The following RIMS2 variants were observed in gnomAD, a reference collection of about 807,000 sequenced individuals.
RIMS2 encodes regulating synaptic membrane exocytosis 2.
RIMS2 carries 59 observed loss-of-function variants against 174.4 expected under a neutral mutation model. The observed-to-expected ratio is 0.34, with a 90% confidence interval of 0.27 to 0.42. The LOEUF is 0.42. RIMS2 is among the 10% of genes least tolerant of loss of function. The pLI, the probability that RIMS2 is intolerant of heterozygous loss-of-function variation, is 1.00. For synonymous variants in RIMS2, 606 were observed against 572.5 expected (o/e 1.06, Z -0.84); for missense variants, 1,620 against 1,666.3 (o/e 0.97, Z 0.48).
At chr8:103,699,007 A>T (rs1002472961) in intron 2 of RIMS2, among the ~76,000 whole-genome samples, 1 of 152,156 alleles carries the variant, frequency 6.6e-6, no homozygotes, top group Non-Finnish European at 1.5e-5. Context: ...AAGGTTTTTA[A>T]GTAAGGTTTG....
At chr8:104,142,231 G>C (rs1029583079) in intron 19 of RIMS2, among the ~76,000 whole-genome samples, 1 of 150,730 alleles carries the variant, frequency 6.6e-6, no homozygotes, top group South Asian at 2.1e-4. Flanking sequence ...GGGTTCAAGC[G>C]ATTCTCCTGC....
At chr8:104,111,512 A>T (rs567451165) in intron 19 of RIMS2, among the ~76,000 whole-genome samples, 2 of 152,184 alleles carry the variant, frequency 1.3e-5, no homozygotes, top group African/African-American at 4.8e-5. Context: ...GGTTCAAGTG[A>T]TTCTCCTGCC....
intron 19 of RIMS2, among the ~76,000 whole-genome samples, chr8:104,236,473 T>A (rs1339610613): frequency 6.6e-6 from 1 of 152,124 alleles, no homozygotes; most frequent in Non-Finnish European, 1.5e-5. Flanking sequence ...AAAAATAGAC[T>A]TAAAATGTGT....
intron 1 of RIMS2, among the ~76,000 whole-genome samples, chr8:103,593,827 AAAAT>A (rs1445444078): frequency 2.6e-5 from 4 of 151,346 alleles, no homozygotes; most frequent in Admixed American, 6.6e-5. Flanking sequence ...AATCAATTTA[AAAAT>A]AAATAGAAAA....
rs555123900 is a variant in RIMS2 at position 103,749,145 on chromosome 8, T to G, written c.388-17082T>G. ...TTTCTTTTTTGAGACGGGGTCTCCC[T>G]CTGTTGTCCAGGCTGTAGTGCAGTG... On this transcript the variant is annotated intron_variant, in intron 2 of 23. Coordinates refer to ENST00000504942, the Ensembl canonical transcript of RIMS2. Among the ~76,000 whole-genome samples, 404 of 144,542 alleles carry G rather than the reference T, an allele frequency of 2.8e-3. 5 individuals are homozygous for G. Among genetic ancestry groups the G allele is most frequent in the African/African-American group, 0.01 (394 of 38,846 alleles). The allele number at this position is 144,542 out of a possible 152,430, so 94.8% of individuals were successfully genotyped here.
intron 3 of RIMS2, chr8:103,768,260 GAGGC>G: frequency 1.8e-6 from 1 of 544,750 alleles, no homozygotes; most frequent in East Asian, 3.5e-5. Context: ...TGGTGCCTTG[GAGGC>G]ATTCACCTGC....
intron 19 of RIMS2, among the ~76,000 whole-genome samples, chr8:104,209,962 A>G (rs1326709609): frequency 6.6e-6 from 1 of 152,208 alleles, no homozygotes; most frequent in African/African-American, 2.4e-5. Context: ...CTGAGCAGGG[A>G]GCTTGCAATC....
chr8:103,631,390 C>T (rs1241618088), intron 1 of RIMS2, among the ~76,000 whole-genome samples: 4 of 152,188 alleles, frequency 2.6e-5, no homozygotes, highest in Non-Finnish European at 5.9e-5. Context: ...CGTAGAGATT[C>T]TTTTCCACAT....
intron 19 of RIMS2, among the ~76,000 whole-genome samples, chr8:104,066,639 A>G (rs960798425): frequency 6.6e-6 from 1 of 152,164 alleles, no homozygotes; most frequent in African/African-American, 2.4e-5. Flanking sequence ...TTTGTACTTG[A>G]CTATATTTCA....
chr8:103,662,243 G>A (rs115732891), intron 1 of RIMS2, among the ~76,000 whole-genome samples: 420 of 152,330 alleles, frequency 2.8e-3, no homozygotes, highest in African/African-American at 9.3e-3. Flanking sequence ...TTTTGTGTAA[G>A]CTATGTGCCT....
At chr8:103,602,453 CT>C (rs1251399310) in intron 1 of RIMS2, among the ~76,000 whole-genome samples, 1 of 151,652 alleles carries the variant, frequency 6.6e-6, no homozygotes, top group African/African-American at 2.4e-5. Context: ...CCCATCCCTC[CT>C]CCCACTCTTC....
chr8:103,754,949 G>A (rs1293797363), intron 2 of RIMS2, among the ~76,000 whole-genome samples: 1 of 152,160 alleles, frequency 6.6e-6, no homozygotes, highest in East Asian at 1.9e-4. Flanking sequence ...ATATTGTTAT[G>A]TGTGAATTTG....
chr8:104,048,999 C>A (rs1255927930), intron 19 of RIMS2, among the ~76,000 whole-genome samples: 1 of 151,866 alleles, frequency 6.6e-6, no homozygotes, highest in East Asian at 1.9e-4. Context: ...ATACCCACTT[C>A]TAGGATTATT....
intron 19 of RIMS2, among the ~76,000 whole-genome samples, chr8:104,230,454 TG>T (rs979885356): frequency 6.6e-6 from 1 of 151,932 alleles, no homozygotes; most frequent in African/African-American, 2.4e-5. Context: ...ACAACCAGCA[TG>T]GGCAACATGG....
downstream of RIMS2, chr8:104,252,364 CTT>C (rs1457978011): frequency 6.4e-6 from 1 of 157,450 alleles, no homozygotes; most frequent in Non-Finnish European, 1.4e-5. Flanking sequence ...GAGTGGCAGA[CTT>C]TGTAGCTCCA....
intron 19 of RIMS2, among the ~76,000 whole-genome samples, chr8:104,200,858 G>C (rs1268911997): frequency 6.6e-6 from 1 of 152,194 alleles, no homozygotes; most frequent in African/African-American, 2.4e-5. Flanking sequence ...AGGCTGCAGT[G>C]AGCCATGATC....
chr8:103,627,119 G>A (rs1564076127), intron 1 of RIMS2, among the ~76,000 whole-genome samples: 1 of 152,060 alleles, frequency 6.6e-6, no homozygotes, highest in African/African-American at 2.4e-5. Flanking sequence ...CTCCCAGAGC[G>A]GCCATCTATA....
At chr8:103,823,283 AAAGT>A (rs1010836949) in intron 3 of RIMS2, among the ~76,000 whole-genome samples, 26 of 151,966 alleles carry the variant, frequency 1.7e-4, no homozygotes, top group Non-Finnish European at 3.4e-4. Flanking sequence ...TTCATATTTA[AAAGT>A]AAGAAAAGAA....
chr8:104,026,035 A>T (rs1360098553), intron 19 of RIMS2, among the ~76,000 whole-genome samples: 1 of 152,138 alleles, frequency 6.6e-6, no homozygotes, highest in African/African-American at 2.4e-5. Context: ...CTAACAATGC[A>T]TTTCTCAGAA....
Sources: allele counts gnomAD v4.1 joint callset (sites outside exome capture counted in the v4.1 genomes callset), GRCh38; gene constraint gnomAD v4.1.1; transcripts MANE v1.5; gene names NCBI Gene and HGNC (gene_info 2026-07-23, HGNC 2026-07-21).